The following GIPC2 variants were observed in gnomAD, a reference collection of about 807,000 sequenced individuals.
GIPC2 encodes GIPC PDZ domain containing family member 2, also known as PDZ domain-containing protein GIPC2.
GIPC2 carries 30 observed loss-of-function variants against 30.6 expected under a neutral mutation model. The observed-to-expected ratio is 0.98, with a 90% CI of 0.73 to 1.33. The LOEUF (loss-of-function observed/expected upper bound fraction) is 1.33, where lower values mean the gene tolerates loss of function less well. Ranked by LOEUF, GIPC2 falls within the 40% of genes most tolerant of loss-of-function variation. The probability of loss-of-function intolerance (pLI) is 0.00; values close to 1 mark genes in which losing one functional copy is unlikely to be tolerated. For missense variants in GIPC2, 414 were observed against 390.3 expected (o/e 1.06, Z -0.51); for synonymous variants, 167 against 150.0 (o/e 1.11, Z -0.83).
intron 2 of GIPC2, among the ~76,000 whole-genome samples, chr1:78,084,422 A>T (rs2100353930): frequency 6.6e-6 from 1 of 151,834 alleles, no homozygotes; most frequent in African/African-American, 2.4e-5. Context: ...AAGACAGGAG[A>T]ATCACTTGAG....
intron 2 of GIPC2, among the ~76,000 whole-genome samples, chr1:78,090,518 A>G (rs1662018708): frequency 6.6e-6 from 1 of 152,154 alleles, no homozygotes; most frequent in Admixed American, 6.5e-5. Context: ...TCAAATTTAA[A>G]ATAAAAATAA....
chr1:78,107,926 G>T (rs1266845578), intron 3 of GIPC2, among the ~76,000 whole-genome samples: 1 of 143,534 alleles, frequency 7.0e-6, no homozygotes, highest in African/African-American at 2.5e-5. Context: ...TCAACTATAT[G>T]ATGCTCCTCA....
rs186741607 is a variant in GIPC2, at chr1:78,049,142, T to G, written c.240+2808T>G. Among the ~76,000 whole-genome samples, 7 of 152,322 alleles carry G rather than the reference T, an allele frequency of 4.6e-5. No individual in the cohort carries two copies. The East Asian group carries it at 1.2e-3, about 25-fold the overall frequency. ...CAGCAAGCAATTACCTCAGCAATAA[T>G]GATGTAAACAACTTTTTTTGGTTGG... On this transcript the variant is annotated intron_variant, in intron 1 of 5. Transcript: ENST00000370759.
chr1:78,111,249 T>C (rs1320861008), intron 3 of GIPC2, among the ~76,000 whole-genome samples: 1 of 152,128 alleles, frequency 6.6e-6, no homozygotes, highest in African/African-American at 2.4e-5. Flanking sequence ...ATAGGGGATA[T>C]TGGGGCGGCG....
intron 3 of GIPC2, among the ~76,000 whole-genome samples, chr1:78,103,424 TAATG>T (rs1303576660): frequency 6.6e-6 from 1 of 152,206 alleles, no homozygotes; most frequent in Non-Finnish European, 1.5e-5. Context: ...TGAAATGAGT[TAATG>T]TATGTATGTG....
At chr1:78,048,849 C>T (rs1036388982) in intron 1 of GIPC2, among the ~76,000 whole-genome samples, 6 of 152,084 alleles carry the variant, frequency 3.9e-5, no homozygotes, top group African/African-American at 1.2e-4. Flanking sequence ...ATAATATACA[C>T]GAGTTGTTTT....
chr1:78,055,124 T>C (rs915325682), intron 1 of GIPC2, among the ~76,000 whole-genome samples: 2 of 152,222 alleles, frequency 1.3e-5, no homozygotes, highest in African/African-American at 4.8e-5. Flanking sequence ...GGCCATGTGG[T>C]ATCTTGTGGG....
chr1:78,072,690 T>C (rs926077726), intron 1 of GIPC2, among the ~76,000 whole-genome samples: 3 of 152,200 alleles, frequency 2.0e-5, no homozygotes, highest in Admixed American at 2.0e-4. Context: ...GAGACTTAGA[T>C]AATAAGAACA....
intron 1 of GIPC2, among the ~76,000 whole-genome samples, chr1:78,078,059 G>A (rs866042496): frequency 1.7e-4 from 26 of 150,126 alleles, no homozygotes; most frequent in Middle Eastern, 6.8e-3. Flanking sequence ...GTAGTGGCGG[G>A]CGCCTGTAGT....
chr1:78,101,849 G>T (rs1401691573), intron 3 of GIPC2, among the ~76,000 whole-genome samples: 1 of 152,130 alleles, frequency 6.6e-6, no homozygotes, highest in Non-Finnish European at 1.5e-5. Context: ...TGTAAACCTA[G>T]ATTTTCCCAA....
intron 1 of GIPC2, among the ~76,000 whole-genome samples, chr1:78,047,749 C>T (rs1002970543): frequency 3.3e-5 from 5 of 152,016 alleles, no homozygotes; most frequent in Admixed American, 6.5e-5. Context: ...CGTATGTAAA[C>T]GTATCAGATT....
intron 2 of GIPC2, among the ~76,000 whole-genome samples, chr1:78,083,781 T>G (rs570462048): frequency 6.6e-6 from 1 of 152,336 alleles, no homozygotes; most frequent in East Asian, 1.9e-4. Flanking sequence ...TCCTGAGACT[T>G]GGCCTGCAGG....
intron 3 of GIPC2, among the ~76,000 whole-genome samples, chr1:78,104,112 G>A (rs1215544969): frequency 2.7e-5 from 4 of 147,914 alleles, no homozygotes; most frequent in East Asian, 1.9e-4. Flanking sequence ...ATGGGGAGAG[G>A]CCTTCAAAGC....
In GIPC2 at chr1:78,120,550, A is replaced by G. The variant is rs1216111879; in HGVS notation, c.714+1051A>G. On this transcript the variant is annotated intron_variant, in intron 4 of 5. Transcript: ENST00000370759. ...TGTATTAGTCTGTTTTCACACTGCTAATAAAGACATACTTGAGACTGGGTA... is the reference window on the plus strand; with the variant it reads ...TGTATTAGTCTGTTTTCACACTGCTGATAAAGACATACTTGAGACTGGGTA... 2.0e-5 allele frequency among the ~76,000 whole-genome samples: 3 copies of G among 152,192 alleles called. No individual in the cohort carries two copies. In the East Asian group the frequency reaches 5.8e-4, roughly 29 times the overall value.
intron 2 of GIPC2, among the ~76,000 whole-genome samples, chr1:78,088,534 A>C (rs1232561258): frequency 6.6e-6 from 1 of 152,236 alleles, no homozygotes; most frequent in Non-Finnish European, 1.5e-5. Flanking sequence ...CTCACTTATA[A>C]GTGGGAGCTA....
rs189276301 is a variant in GIPC2 at position 78,138,389 on chromosome 1, A to G, written c.*2646A>G. 1.3e-5 allele frequency: 2 copies of G among 152,266 alleles called. No individual in the cohort carries two copies. The highest frequency in any genetic ancestry group is 2.4e-5 in the African/African-American group (1 of 41,472). 9.4% of individuals were successfully genotyped at this position (152,266 alleles called of 1,614,324 possible). A position where few individuals can be genotyped will look rare whatever the true frequency, so the allele number is the denominator to read the frequency against. On this transcript the variant is annotated 3_prime_UTR_variant, in exon 6 of 6. Transcript: ENST00000370759. ...AGAGAGATAATTTTTCAAATGATGT[A>G]TAATTTGCAATATTTTCCCTTGCAA...
intron 3 of GIPC2, among the ~76,000 whole-genome samples, chr1:78,104,869 A>C (rs1448142779): frequency 6.6e-6 from 1 of 152,212 alleles, no homozygotes; most frequent in Non-Finnish European, 1.5e-5. Context: ...TGGCAAAGTA[A>C]GTGTACACAG....
chr1:78,096,968 G>T (rs1662149178), intron 3 of GIPC2, among the ~76,000 whole-genome samples: 2 of 151,982 alleles, frequency 1.3e-5, no homozygotes, highest in South Asian at 4.2e-4. Context: ...TAGTGTGAGG[G>T]GTTTCTTTCT....
chr1:78,113,265 T>C (rs1296683833), intron 3 of GIPC2, among the ~76,000 whole-genome samples: 1 of 152,212 alleles, frequency 6.6e-6, no homozygotes, highest in East Asian at 1.9e-4. Flanking sequence ...AAATATTTTT[T>C]CTTTTCAATC....
Sources: gnomAD v4.1 joint callset for allele counts (sites outside exome capture counted in the v4.1 genomes callset) on GRCh38, gnomAD v4.1.1 for gene constraint, MANE v1.5 for transcripts, NCBI Gene and HGNC (gene_info 2026-07-23, HGNC 2026-07-21) for gene names.